KIAA0825: variants seen among roughly 807,000 people sequenced by gnomAD.
The protein encoded by KIAA0825 is uncharacterized protein KIAA0825.
In KIAA0825, 119 loss-of-function variants were observed where a neutral mutation model predicts 147.6. That is an observed-to-expected ratio of 0.81 (90% CI 0.69 to 0.94). KIAA0825 has a LOEUF of 0.94. Ranked by LOEUF, KIAA0825 falls within the 40% of genes least tolerant of loss-of-function variation. KIAA0825 has a pLI of 0.00. For missense variants in KIAA0825, 1,381 were observed against 1,472.7 expected, an observed-to-expected ratio of 0.94 and a Z score of 1.02; for synonymous variants, 470 against 518.1, an observed-to-expected ratio of 0.91 and a Z score of 1.26.
At chr5:94,518,846 T>C (rs1168341265) in intron 5 of KIAA0825, among the ~76,000 whole-genome samples, 1 of 152,126 alleles carries the variant, frequency 6.6e-6, no homozygotes, top group South Asian at 2.1e-4. Flanking sequence ...AAAGACTCCA[T>C]AGCAACTTAC....
intron 20 of KIAA0825, among the ~76,000 whole-genome samples, chr5:94,161,478 T>A (rs576808406): frequency 1.3e-5 from 2 of 152,312 alleles, no homozygotes; most frequent in East Asian, 3.9e-4. Flanking sequence ...CCCAACTACC[T>A]AAGACTAATG....
At chr5:94,314,041 C>A (rs2150216467) in intron 20 of KIAA0825, among the ~76,000 whole-genome samples, 1 of 151,706 alleles carries the variant, frequency 6.6e-6, no homozygotes, top group East Asian at 1.9e-4. Flanking sequence ...AGGGGAACTT[C>A]TACTTGCCTG....
chr5:94,478,046 G>T (rs1199603455), intron 6 of KIAA0825, among the ~76,000 whole-genome samples: 1 of 152,096 alleles, frequency 6.6e-6, no homozygotes, highest in African/African-American at 2.4e-5. Context: ...CTTTATGCCT[G>T]GGCAAAGCAA....
chr5:94,305,573 GT>G (rs1017197950), intron 20 of KIAA0825, among the ~76,000 whole-genome samples: 1 of 151,954 alleles, frequency 6.6e-6, no homozygotes, highest in Non-Finnish European at 1.5e-5. Context: ...ATGAAACACT[GT>G]GATATCAAAG....
intron 20 of KIAA0825, among the ~76,000 whole-genome samples, chr5:94,203,587 G>A (rs1221784694): frequency 3.9e-5 from 6 of 152,064 alleles, no homozygotes; most frequent in Admixed American, 2.6e-4. Flanking sequence ...CATCTAGTGG[G>A]TGAGGGACCA....
intron 20 of KIAA0825, among the ~76,000 whole-genome samples, chr5:94,239,507 C>G (rs1775241572): frequency 6.6e-6 from 1 of 152,114 alleles, no homozygotes; most frequent in Admixed American, 6.5e-5. Context: ...ATCATTGAAC[C>G]AAAGCATATG....
intron 7 of KIAA0825, among the ~76,000 whole-genome samples, chr5:94,474,740 C>T (rs1181618803): frequency 6.6e-6 from 1 of 152,098 alleles, no homozygotes; most frequent in Non-Finnish European, 1.5e-5. Flanking sequence ...ACGGAACTTT[C>T]TGAAGATTAT....
At chr5:94,154,249 C>T in intron 20 of KIAA0825, 125 bp from the exon 21 acceptor site, 2 of 671,234 alleles carry the variant, frequency 3.0e-6, no homozygotes, top group Non-Finnish European at 5.3e-6. Flanking sequence ...GTTTATTCTT[C>T]ACTGACTGCC....
chr5:94,557,122 T>A (rs933300184), intron 2 of KIAA0825, among the ~76,000 whole-genome samples: 5 of 152,154 alleles, frequency 3.3e-5, no homozygotes, highest in African/African-American at 4.8e-5. Flanking sequence ...TTAATTTATT[T>A]ATTTATTTTG....
chr5:94,244,180 G>A (rs557443935), intron 20 of KIAA0825, among the ~76,000 whole-genome samples: 80 of 152,218 alleles, frequency 5.3e-4, no homozygotes, highest in Middle Eastern at 3.4e-3. Flanking sequence ...TTTGTGCACC[G>A]GGAAGAATTT....
chr5:94,348,741 A>C (rs1783296886), intron 20 of KIAA0825, among the ~76,000 whole-genome samples: 1 of 152,200 alleles, frequency 6.6e-6, no homozygotes, highest in East Asian at 1.9e-4. Flanking sequence ...TGCTGACAGA[A>C]TTTGCCATTA....
At chr5:94,443,112 T>C (rs146066441) in intron 13 of KIAA0825, among the ~76,000 whole-genome samples, 195 of 152,254 alleles carry the variant, frequency 1.3e-3, no homozygotes, top group African/African-American at 4.4e-3. Flanking sequence ...ACCTCAATTC[T>C]TGGATCTTTC....
At chr5:94,452,320 A>G (rs1001546232) in intron 13 of KIAA0825, among the ~76,000 whole-genome samples, 1 of 152,224 alleles carries the variant, frequency 6.6e-6, no homozygotes, top group Admixed American at 6.5e-5. Context: ...AATAGCTGAT[A>G]GTGTATTTCC....
intron 20 of KIAA0825, among the ~76,000 whole-genome samples, chr5:94,244,894 A>G (rs1472279394): frequency 6.6e-6 from 1 of 152,244 alleles, no homozygotes; most frequent in East Asian, 1.9e-4. Context: ...TACATGGGGT[A>G]CATATGCTTC....
intron 20 of KIAA0825, among the ~76,000 whole-genome samples, chr5:94,317,603 T>G (rs976902086): frequency 6.6e-6 from 1 of 151,786 alleles, no homozygotes; most frequent in Non-Finnish European, 1.5e-5. Context: ...AGACTTAGAT[T>G]TGGAATCAGA....
intron 17 of KIAA0825, among the ~76,000 whole-genome samples, chr5:94,393,935 G>A (rs1562452894): frequency 6.7e-6 from 1 of 150,184 alleles, no homozygotes; most frequent in African/African-American, 2.4e-5. Flanking sequence ...GGCAACCTCC[G>A]CCTCCCGGGT....
chr5:94,367,055 C>T (rs1430247403), intron 20 of KIAA0825, among the ~76,000 whole-genome samples: 1 of 152,218 alleles, frequency 6.6e-6, no homozygotes, highest in Non-Finnish European at 1.5e-5. Context: ...GAGGAACAGG[C>T]TATGACCTAA....
chr5:94,179,129 G>A (rs1769369452), intron 20 of KIAA0825, among the ~76,000 whole-genome samples: 1 of 152,082 alleles, frequency 6.6e-6, no homozygotes, highest in African/African-American at 2.4e-5. Flanking sequence ...TTGAGAATGA[G>A]AGGAGAGATT....
At chr5:94,296,748 T>C (rs892151161) in intron 20 of KIAA0825, among the ~76,000 whole-genome samples, 9 of 152,092 alleles carry the variant, frequency 5.9e-5, no homozygotes, top group African/African-American at 1.9e-4. Flanking sequence ...GTCTAACCAG[T>C]CCCAGTGAGA....
Sources: gnomAD v4.1 joint callset for allele counts (sites outside exome capture counted in the v4.1 genomes callset) on GRCh38, gnomAD v4.1.1 for gene constraint, MANE v1.5 for transcripts, NCBI Gene and HGNC (gene_info 2026-07-23, HGNC 2026-07-21) for gene names.